TAOK1: variants seen among roughly 807,000 people sequenced by gnomAD.
The protein encoded by TAOK1 is TAO kinase 1.
TAOK1 carries 21 observed loss-of-function variants against 138.3 expected under a neutral mutation model. That is an observed-to-expected ratio of 0.15 (90% CI 0.11 to 0.22). TAOK1 has a LOEUF of 0.22. Ranked by LOEUF, TAOK1 falls within the 10% of genes least tolerant of loss-of-function variation. The pLI, the probability that TAOK1 is intolerant of heterozygous loss-of-function variation, is 1.00. For missense variants in TAOK1, 651 were observed against 1,227.7 expected (o/e 0.53, Z 7.02); for synonymous variants, 361 against 398.4 (o/e 0.91, Z 1.12).
chr17:29,496,423 C>T (rs1235257840), intron 11 of TAOK1, among the ~76,000 whole-genome samples: 1 of 151,470 alleles, frequency 6.6e-6, no homozygotes, highest in Non-Finnish European at 1.5e-5. Context: ...CAGCCTGAGC[C>T]CTTTTTTGAC....
At chr17:29,541,398 C>T (rs192919772) in intron 19 of TAOK1, among the ~76,000 whole-genome samples, 6 of 152,098 alleles carry the variant, frequency 3.9e-5, no homozygotes, top group Admixed American at 2.6e-4. Context: ...GCGTGATCCA[C>T]CGCGCCCGGC....
At chr17:29,439,887 AATT>A (rs1352537017) in intron 1 of TAOK1, among the ~76,000 whole-genome samples, 9 of 117,184 alleles carry the variant, frequency 7.7e-5, no homozygotes, top group African/African-American at 2.3e-4. Flanking sequence ...AAAAAAAAAA[AATT>A]TTTTTTTAAG....
At chr17:29,538,870 A>G (rs1343489336) in intron 19 of TAOK1, among the ~76,000 whole-genome samples, 2 of 152,230 alleles carry the variant, frequency 1.3e-5, no homozygotes, top group South Asian at 2.1e-4. Context: ...GCATTTCCAG[A>G]GTATAAATGA....
rs138594590 is a variant in TAOK1, at chr17:29,451,578, G to A, written c.30G>A (p.Leu10=). MPSTNRAGS[L]KDPEIAELFF... is the part of the protein sequence containing the mutation. ...CATCAACTAACAGAGCAGGCAGCCT[G>A]AAGGACCCTGAAATTGCAGAGCTCT... is the stretch of plus-strand genomic sequence containing the variant. The change falls in exon 2 of 20, where the codon CTG becomes CTA. Residue 10 remains leucine (L), a synonymous_variant. Coordinates refer to ENST00000261716, the MANE Select transcript of TAOK1 (RefSeq NM_020791.4). The A allele has an allele frequency of 3.9e-4, 634 of 1,613,464 alleles. 9 individuals are homozygous for A. In the East Asian group the frequency reaches 0.01, roughly 27 times the overall value.
chr17:29,455,500 G>T (rs953752097), intron 2 of TAOK1, among the ~76,000 whole-genome samples: 1 of 150,562 alleles, frequency 6.6e-6, no homozygotes, highest in Admixed American at 6.6e-5. Flanking sequence ...AGAACTTCCA[G>T]TACAGTGTTG....
chr17:29,447,669 T>A (rs550821430), intron 1 of TAOK1, among the ~76,000 whole-genome samples: 173 of 151,396 alleles, frequency 1.1e-3, no homozygotes, highest in African/African-American at 2.3e-3. Flanking sequence ...ATTTTTTTTT[T>A]TTTTTGAGAC....
intron 1 of TAOK1, among the ~76,000 whole-genome samples, chr17:29,450,722 C>T (rs560485492): frequency 3.3e-5 from 5 of 152,206 alleles, no homozygotes; most frequent in Admixed American, 6.5e-5. Flanking sequence ...TACCATATTA[C>T]CCAGGCTGGT....
intron 4 of TAOK1, 85 bp from the exon 5 acceptor site, chr17:29,477,576 C>A: frequency 2.8e-6 from 2 of 709,852 alleles, no homozygotes; most frequent in Non-Finnish European, 3.9e-6. Flanking sequence ...TGTTCTTGAT[C>A]TACTGTGTGA....
chr17:29,399,584 G>A (rs918925987), intron 1 of TAOK1, among the ~76,000 whole-genome samples: 1 of 152,184 alleles, frequency 6.6e-6, no homozygotes, highest in Non-Finnish European at 1.5e-5. Context: ...CAAAGTGCTG[G>A]GATTACAGGC....
intron 16 of TAOK1, among the ~76,000 whole-genome samples, chr17:29,521,855 T>C (rs1598520434): frequency 6.6e-6 from 1 of 152,382 alleles, no homozygotes; most frequent in East Asian, 1.9e-4. Context: ...GTGCTGGGAT[T>C]ACAGGCATGA....
chr17:29,422,049 T>TA (rs902279323), intron 1 of TAOK1, among the ~76,000 whole-genome samples: 1 of 148,452 alleles, frequency 6.7e-6, no homozygotes, highest in African/African-American at 2.5e-5. Context: ...AGGCGCCTGC[T>TA]ACCACGCCCA....
At chr17:29,488,576 AAATAATAAT>A (rs150004739) in intron 8 of TAOK1, among the ~76,000 whole-genome samples, 39 of 145,474 alleles carry the variant, frequency 2.7e-4, no homozygotes, top group African/African-American at 6.8e-4. Context: ...ACATCTCAAA[AAATAATAAT>A]AATAATAATA....
Position 29,407,340 on chromosome 17 carries a change from A to G in TAOK1, c.-95+16316A>G, listed in dbSNP as rs572121480. On this transcript the variant is annotated intron_variant, in intron 1 of 19. Transcript: ENST00000261716. The stretch of plus-strand genomic sequence containing the variant: ...TGGTTGTTCTTTCTTACTGCTTTTA[A>G]CAGTAGGTGTCTCTCAACACAATGC... 2.6e-5 allele frequency among the ~76,000 whole-genome samples: 4 copies of G among 152,144 alleles called. No homozygotes were observed. The East Asian group carries it at 7.7e-4, about 29-fold the overall frequency.
At chr17:29,438,622 G>A (rs192060458) in intron 1 of TAOK1, among the ~76,000 whole-genome samples, 4 of 152,312 alleles carry the variant, frequency 2.6e-5, no homozygotes, top group South Asian at 2.1e-4. Context: ...TCAGGAGGTC[G>A]AGGCTGCAGT....
Position 29,543,464 on chromosome 17 carries a change from A to T in TAOK1, c.*442A>T, listed in dbSNP as rs1240386048. ...AAAGCCTTTTTATCCCATATCCCAA[A>T]TTCTTATGAGCCACTCACAGCAGGC... On this transcript the variant is annotated 3_prime_UTR_variant, in exon 20 of 20. Coordinates refer to ENST00000261716, the MANE Select transcript of TAOK1 (RefSeq NM_020791.4). 4 of 153,726 alleles carry T rather than the reference A, an allele frequency of 2.6e-5. No individual in the cohort carries two copies. The highest frequency in any genetic ancestry group is 9.7e-5 in the African/African-American group (4 of 41,450). The allele number at this position is 153,726 out of a possible 1,614,324, so 9.5% of individuals were successfully genotyped here.
chr17:29,477,648 CT>C lies in TAOK1; in HGVS notation c.307-9del. ...ATAATATATTTTAATGCTTTTATAA[CT>C]TTTCCATGTAGCTTGTAATGGAATA... On this transcript the variant is annotated splice_polypyrimidine_tract_variant and intron_variant, in intron 4 of 19. Coordinates refer to ENST00000261716, the MANE Select transcript of TAOK1 (RefSeq NM_020791.4). The C allele has an allele frequency of 7.4e-7, 1 of 1,347,780 alleles. No homozygotes were observed. Among genetic ancestry groups the C allele is most frequent in the South Asian group, 2.3e-5 (1 of 44,028 alleles). The allele number at this position is 1,347,780 out of a possible 1,614,324, so 83.5% of individuals were successfully genotyped here. A position where few individuals can be genotyped will look rare whatever the true frequency, so the allele number is the denominator to read the frequency against.
In TAOK1 at chr17:29,517,482, A is replaced by G. The variant is rs1435444877; in HGVS notation, c.1734A>G (p.Lys578=). 1.9e-6 allele frequency: 3 copies of G among 1,613,800 alleles called. No individual in the cohort carries two copies. The highest frequency in any genetic ancestry group is 2.5e-6 in the Non-Finnish European group (3 of 1,180,008). ...EELNENQSTP[K]KEKQEWLSKQ... ...TAAATGAAAACCAGAGTACCCCCAA[A>G]AAAGAAAAACAGGAGTGGCTTTCAA... Residue 578 remains lysine, a synonymous_variant, in exon 16 of 20, where the codon AAA becomes AAG. Coordinates refer to ENST00000261716, the MANE Select transcript of TAOK1 (RefSeq NM_020791.4).
chr17:29,447,660 T>A (rs959484814), intron 1 of TAOK1, among the ~76,000 whole-genome samples: 192 of 147,576 alleles, frequency 1.3e-3, no homozygotes, highest in Non-Finnish European at 2.2e-3. Flanking sequence ...TTTTATTTTA[T>A]TTTTTTTTTT....
intron 2 of TAOK1, among the ~76,000 whole-genome samples, chr17:29,455,013 T>G (rs2030339908): frequency 2.0e-5 from 3 of 152,104 alleles, no homozygotes. Flanking sequence ...GCCTCCCAGG[T>G]GATTCTCCTG....
Sources: gnomAD v4.1 joint callset for allele counts (sites outside exome capture counted in the v4.1 genomes callset) on GRCh38, gnomAD v4.1.1 for gene constraint, MANE v1.5 for transcripts, NCBI Gene and HGNC (gene_info 2026-07-23, HGNC 2026-07-21) for gene names.